MACC1: variants seen among roughly 807,000 people sequenced by gnomAD.
The protein encoded by MACC1 is MET transcriptional regulator MACC1.
Under a neutral mutation model 70.7 loss-of-function variants are expected in MACC1, and 79 were observed. That is an observed-to-expected ratio of 1.12 (90% CI 0.93 to 1.35). The LOEUF (loss-of-function observed/expected upper bound fraction) is 1.35. Ranked by LOEUF, MACC1 falls within the 40% of genes most tolerant of loss-of-function variation. The pLI is 0.00. For missense variants in MACC1, 1,106 were observed against 978.1 expected, an observed-to-expected ratio of 1.13 and a Z score of -1.74; for synonymous variants, 361 against 347.2, an observed-to-expected ratio of 1.04 and a Z score of -0.44.
At chr7:20,191,219 A>G (rs748233337) in intron 1 of MACC1, among the ~76,000 whole-genome samples, 1 of 152,228 alleles carries the variant, frequency 6.6e-6, no homozygotes, top group Non-Finnish European at 1.5e-5. Flanking sequence ...TAACCCAGCT[A>G]TTAACACCTG....
chr7:20,214,148 T>A (rs946199394), intron 1 of MACC1, among the ~76,000 whole-genome samples: 12 of 152,108 alleles, frequency 7.9e-5, no homozygotes, highest in African/African-American at 2.9e-4. Context: ...AGGAACCCGC[T>A]AAAGTATGGA....
At chr7:20,187,494 T>C (rs1782605708) in intron 1 of MACC1, among the ~76,000 whole-genome samples, 4 of 152,162 alleles carry the variant, frequency 2.6e-5, no homozygotes, top group Admixed American at 2.6e-4. Context: ...GCCTTCTCCC[T>C]CTTCCCACAG....
intron 1 of MACC1, among the ~76,000 whole-genome samples, chr7:20,192,748 C>G (rs1039419577): frequency 2.6e-5 from 4 of 152,186 alleles, no homozygotes; most frequent in African/African-American, 7.2e-5. Context: ...GAAATGCACA[C>G]TGAAGCAAAT....
In MACC1 at chr7:20,141,160, T is replaced by C. The variant is rs369268505; in HGVS notation, c.2347-2A>G. The C allele has an allele frequency of 1.3e-5, 20 of 1,569,824 alleles. No individual in the cohort carries two copies. In the African/African-American group the frequency reaches 2.7e-4, roughly 22 times the overall value. On this transcript the variant is annotated splice_acceptor_variant, in intron 6 of 6. Transcript: ENST00000400331. LOFTEE classifies it high-confidence loss of function. ...ATCATAGGCAGGTTTCCACATCATCTATAAAGAAAAAAAATAGATTGGAGT... is the reference window on the plus strand; with the variant it reads ...ATCATAGGCAGGTTTCCACATCATCCATAAAGAAAAAAAATAGATTGGAGT...
intron 1 of MACC1, among the ~76,000 whole-genome samples, chr7:20,183,710 CTT>C (rs59702885): frequency 5.0e-5 from 7 of 140,518 alleles, no homozygotes; most frequent in Non-Finnish European, 7.6e-5. Flanking sequence ...CTGATTCTAA[CTT>C]TTTTTTTTTT....
At chr7:20,158,079 G>C in intron 5 of MACC1, 125 bp downstream of exon 5, 1 of 1,135,838 alleles carries the variant, frequency 8.8e-7, no homozygotes, top group Non-Finnish European at 1.2e-6. Flanking sequence ...GCTATAAAGT[G>C]TCTTTAATGT....
chr7:20,185,719 T>G (rs1243541371), intron 1 of MACC1, among the ~76,000 whole-genome samples: 2 of 152,206 alleles, frequency 1.3e-5, no homozygotes, highest in Admixed American at 1.3e-4. Flanking sequence ...TTAACTTAAA[T>G]CTTCAGAAAC....
rs750447919 is a variant in MACC1 at position 20,159,547 on chromosome 7, A to G, written c.814T>C (p.Leu272=). The change falls in exon 5 of 7, where the codon TTG becomes CTG. Residue 272 remains leucine, a synonymous_variant. Transcript: ENST00000400331. ...NHDLSCTVSP[L]LEIMLGNLNT... Reference sequence around the variant, plus strand: ...AGGTTGCCTAACATGATTTCCAACAACGGGCTCACAGTGCACGAAAGATCA... The same window carrying G: ...AGGTTGCCTAACATGATTTCCAACAGCGGGCTCACAGTGCACGAAAGATCA... The G allele has an allele frequency of 5.1e-5, 82 of 1,613,998 alleles. No individual in the cohort carries two copies. Among genetic ancestry groups the G allele is most frequent in the Non-Finnish European group, 6.8e-5 (80 of 1,180,014 alleles).
chr7:20,180,280 T>C (rs1023908871), intron 1 of MACC1, among the ~76,000 whole-genome samples: 1 of 150,618 alleles, frequency 6.6e-6, no homozygotes, highest in Non-Finnish European at 1.5e-5. Flanking sequence ...CCGTCTCTAC[T>C]AAAAACACAA....
chr7:20,146,789 T>A (rs1234504703), intron 6 of MACC1, among the ~76,000 whole-genome samples: 1 of 152,214 alleles, frequency 6.6e-6, no homozygotes, highest in Admixed American at 6.5e-5. Context: ...GTTGTTAAAT[T>A]ATTCTTAACC....
In MACC1 at chr7:20,136,961, G is replaced by A. The variant is rs999696587; in HGVS notation, c.*3985C>T. 1 of 147,562 alleles carries A rather than the reference G, an allele frequency of 6.8e-6. No individual in the cohort carries two copies. Among genetic ancestry groups the A allele is most frequent in the Non-Finnish European group, 1.5e-5 (1 of 67,056 alleles). 9.1% of individuals were successfully genotyped at this position (147,562 alleles called of 1,614,324 possible). A position where few individuals can be genotyped will look rare whatever the true frequency, so the allele number is the denominator to read the frequency against. ...ATAATTATTAATTCTTAAAGATTATGAATTATAATATTAAATTATAATTAA... is the reference window on the plus strand; with the variant it reads ...ATAATTATTAATTCTTAAAGATTATAAATTATAATATTAAATTATAATTAA... On this transcript the variant is annotated 3_prime_UTR_variant, in exon 7 of 7. Transcript: ENST00000400331.
intron 3 of MACC1, among the ~76,000 whole-genome samples, chr7:20,162,574 G>A (rs1160724312): frequency 1.3e-5 from 2 of 152,088 alleles, no homozygotes; most frequent in Non-Finnish European, 2.9e-5. Flanking sequence ...CAACATGGAA[G>A]TGGAACATAA....
At position 20,174,485 on chromosome 7, in the gene MACC1, T is replaced by A. The variant is rs73082576; in HGVS notation, c.-217-3707A>T. Among the ~76,000 whole-genome samples, 1,469 of 152,276 alleles carry A rather than the reference T, an allele frequency of 9.6e-3. 13 individuals are homozygous for A. Among genetic ancestry groups the A allele is most frequent in the South Asian group, 0.022 (104 of 4,820 alleles). ...ATGGGAAATTGCAGATATTATAATG[T>A]TATGGGCAAAAGCAAGGTATAAAAG... On this transcript the variant is annotated intron_variant, in intron 1 of 6. Coordinates refer to ENST00000400331, the MANE Select transcript of MACC1 (RefSeq NM_182762.4).
At chr7:20,149,004 T>C (rs1781935688) in intron 6 of MACC1, among the ~76,000 whole-genome samples, 1 of 152,220 alleles carries the variant, frequency 6.6e-6, no homozygotes, top group Non-Finnish European at 1.5e-5. Flanking sequence ...CAGACCTTGA[T>C]AATTCAACAT....
chr7:20,161,713 C>T (rs1261959948), intron 4 of MACC1, 35 bp downstream of exon 4: 6 of 1,308,474 alleles, frequency 4.6e-6, no homozygotes, highest in African/African-American at 4.3e-5. Flanking sequence ...CATATACTTA[C>T]ATGGACAAAT....
intron 1 of MACC1, among the ~76,000 whole-genome samples, chr7:20,211,818 T>G (rs1783000870): frequency 6.6e-6 from 1 of 152,192 alleles, no homozygotes; most frequent in South Asian, 2.1e-4. Flanking sequence ...TACTATAATA[T>G]TTTATAGTAC....
At chr7:20,152,823 T>C (rs890174750) in intron 6 of MACC1, among the ~76,000 whole-genome samples, 3 of 152,184 alleles carry the variant, frequency 2.0e-5, no homozygotes, top group African/African-American at 7.2e-5. Context: ...CTCTGATAAA[T>C]AACTCTCAAC....
chr7:20,206,547 G>C (rs56660896), intron 1 of MACC1, among the ~76,000 whole-genome samples: 4,092 of 152,112 alleles, frequency 0.027, 211 homozygotes, highest in African/African-American at 0.093. Flanking sequence ...TATTACATCA[G>C]AGAGCAGCAC....
At chr7:20,180,358 G>A (rs1361645164) in intron 1 of MACC1, among the ~76,000 whole-genome samples, 1 of 151,684 alleles carries the variant, frequency 6.6e-6, no homozygotes, top group Non-Finnish European at 1.5e-5. Flanking sequence ...CAGGAGAATT[G>A]CTTGAACCCG....
Sources: gnomAD v4.1 joint callset for allele counts (sites outside exome capture counted in the v4.1 genomes callset) on GRCh38, gnomAD v4.1.1 for gene constraint, MANE v1.5 for transcripts, NCBI Gene and HGNC (gene_info 2026-07-23, HGNC 2026-07-21) for gene names.